The following RARS1 variants were observed in gnomAD, a reference collection of about 807,000 sequenced individuals.
The protein encoded by RARS1 is arginine--tRNA ligase, cytoplasmic.
Under a neutral mutation model 78.7 loss-of-function variants are expected in RARS1, and 75 were observed. The ratio of observed to expected loss-of-function variants is 0.95; its 90% CI spans 0.79 to 1.15. The LOEUF is 1.15. RARS1 is among the 50% of genes most tolerant of loss of function. The probability of loss-of-function intolerance (pLI) is 0.00; values close to 1 mark genes in which losing one functional copy is unlikely to be tolerated. For synonymous variants in RARS1, 273 were observed against 268.2 expected (o/e 1.02, Z -0.18); for missense variants, 787 against 787.5 (o/e 1.00, Z 0.01).
Position 168,506,526 on chromosome 5 carries a change from A to G in RARS1, c.1237-196A>G, listed in dbSNP as rs17633806. On this transcript the variant is annotated intron_variant, in intron 10 of 14. Transcript: ENST00000231572. ...AGTTGCTTTAAAAACGTTTGAACAT[A>G]GTAGAAAATGTAACAGTGTTGCTCT... Among the ~76,000 whole-genome samples the G allele has an allele frequency of 3.9e-3, 589 of 152,338 alleles. 1 individual carries two copies. Among genetic ancestry groups the G allele is most frequent in the Non-Finnish European group, 6.8e-3 (464 of 68,036 alleles).
At chr5:168,509,963 C>G (rs1758534161) in intron 11 of RARS1, among the ~76,000 whole-genome samples, 1 of 151,964 alleles carries the variant, frequency 6.6e-6, no homozygotes, top group African/African-American at 2.4e-5. Context: ...AGAGCAAGAC[C>G]CTGTCTCTAA....
rs1758545181 is a variant in RARS1, at chr5:168,510,655, T to C, written c.1421T>C (p.Met474Thr). 6 of 1,610,458 alleles carry C rather than the reference T, an allele frequency of 3.7e-6. No individual in the cohort carries two copies. The highest frequency in any genetic ancestry group is 5.1e-6 in the Non-Finnish European group (6 of 1,178,886). The change falls in exon 12 of 15, where the codon ATG becomes ACG. Residue 474 changes from methionine (M) to threonine (T), a missense_variant. Met to Thr is a moderately conservative substitution (Grantham distance 81). Transcript: ENST00000231572. The stretch of plus-strand genomic sequence containing the variant: ...CTGGGAGAAGGACTAAAACGATCCA[T>C]GGACAAGTTGAAGGAAAAAGAAAGA... The part of the protein sequence containing the change: ...DLLGEGLKRS[M>T]DKLKEKERDK...
At chr5:168,504,011 T>G (rs1012798545) in intron 9 of RARS1, among the ~76,000 whole-genome samples, 1 of 149,758 alleles carries the variant, frequency 6.7e-6, no homozygotes, top group Non-Finnish European at 1.5e-5. Flanking sequence ...CAGTGAGCTA[T>G]GCTCACACCA....
chr5:168,501,273 T>C (rs1261482899), intron 8 of RARS1, among the ~76,000 whole-genome samples: 1 of 152,212 alleles, frequency 6.6e-6, no homozygotes, highest in African/African-American at 2.4e-5. Flanking sequence ...AAATGTTTTA[T>C]AATTACAGTA....
chr5:168,493,955 A>G lies in RARS1; in HGVS notation c.431A>G (p.His144Arg), dbSNP rs746270835. The G allele has an allele frequency of 6.2e-7, 1 of 1,613,504 alleles. No individual in the cohort carries two copies. Among genetic ancestry groups the G allele is most frequent in the Non-Finnish European group, 8.5e-7 (1 of 1,179,602 alleles). Residue 144 changes from histidine to arginine, a missense_variant, in exon 4 of 15, where the codon CAC (histidine) becomes CGC (arginine). Physicochemically the swap from His to Arg is conservative, Grantham distance 29. Coordinates refer to ENST00000231572, the MANE Select transcript of RARS1 (RefSeq NM_002887.4). The part of the protein sequence containing the change: ...PREIAENITK[H>R]LPDNECIEKV... Reference sequence around the variant, plus strand: ...GAAATTGCTGAAAACATTACCAAACACCTCCCAGACAATGAATGTATTGAA... The same window carrying G: ...GAAATTGCTGAAAACATTACCAAACGCCTCCCAGACAATGAATGTATTGAA...
At chr5:168,509,640 T>C (rs935241112) in intron 11 of RARS1, among the ~76,000 whole-genome samples, 75 of 146,794 alleles carry the variant, frequency 5.1e-4, no homozygotes, top group African/African-American at 1.8e-3. Context: ...ATCCTGAGGT[T>C]TTTTTCTCTT....
chr5:168,492,938 T>C (rs1758116013), intron 3 of RARS1, 91 bp downstream of exon 3: 1 of 1,183,796 alleles, frequency 8.4e-7, no homozygotes, highest in Admixed American at 2.2e-5. Context: ...TTACAAGTTG[T>C]ATCCTTAGTG....
At chr5:168,492,030 A>C (rs1163684815) in intron 2 of RARS1, among the ~76,000 whole-genome samples, 1 of 150,536 alleles carries the variant, frequency 6.6e-6, no homozygotes, top group Non-Finnish European at 1.5e-5. Context: ...AGAGCCATGA[A>C]TTAAGCACTT....
At chr5:168,497,075 A>T in intron 6 of RARS1, 153 bp from the exon 7 acceptor site, 1 of 545,182 alleles carries the variant, frequency 1.8e-6, no homozygotes, top group Non-Finnish European at 2.9e-6. Context: ...TTTGCAGACC[A>T]GTTGAAGAAA....
chr5:168,488,319 C>T (rs969068677), intron 1 of RARS1: 3 of 352,148 alleles, frequency 8.5e-6, no homozygotes, highest in South Asian at 2.5e-5. Flanking sequence ...GTAGAGACAG[C>T]GTTTCGCTAT....
intron 1 of RARS1, among the ~76,000 whole-genome samples, chr5:168,486,851 C>G (rs1180467324): frequency 6.6e-6 from 1 of 152,138 alleles, no homozygotes; most frequent in Non-Finnish European, 1.5e-5. Flanking sequence ...CAATCCACCT[C>G]CTCTTCTGCA....
Position 168,519,197 on chromosome 5 carries a change from A to C in RARS1, c.*7A>C, listed in dbSNP as rs745821499. On this transcript the variant is annotated 3_prime_UTR_variant, in exon 15 of 15. Coordinates refer to ENST00000231572, the MANE Select transcript of RARS1 (RefSeq NM_002887.4). ...ACCTGTCCAAAGGATGTAATCCTTC[A>C]TAGGTTTGAACACTGTGTGTTTTTA... 1 of 1,598,866 alleles carries C rather than the reference A, an allele frequency of 6.3e-7. No homozygotes were observed. Among genetic ancestry groups the C allele is most frequent in the Non-Finnish European group, 8.6e-7 (1 of 1,166,826 alleles).
chr5:168,486,944 C>T (rs1757976762), intron 1 of RARS1, among the ~76,000 whole-genome samples: 1 of 152,138 alleles, frequency 6.6e-6, no homozygotes, highest in Non-Finnish European at 1.5e-5. Flanking sequence ...GCAGCTCAGC[C>T]GCAGTTCTTC....
At chr5:168,504,318 G>A (rs1383127997) in intron 9 of RARS1, among the ~76,000 whole-genome samples, 1 of 151,942 alleles carries the variant, frequency 6.6e-6, no homozygotes, top group Non-Finnish European at 1.5e-5. Context: ...GAGGACAGGA[G>A]ATCGAGACCA....
chr5:168,513,390 G>A (rs1178871847), intron 12 of RARS1, among the ~76,000 whole-genome samples: 1 of 151,526 alleles, frequency 6.6e-6, no homozygotes, highest in African/African-American at 2.4e-5. Context: ...CACAATCTTG[G>A]CTCACTGCAA....
intron 12 of RARS1, among the ~76,000 whole-genome samples, chr5:168,513,211 AATTTTTTGTATTTTT>A (rs1758599939): frequency 6.8e-6 from 1 of 146,336 alleles, no homozygotes; most frequent in African/African-American, 2.5e-5. Context: ...ACGCCCTGCT[AATTTTTTGTATTTTT>A]TTTTTTTTTT....
intron 7 of RARS1, among the ~76,000 whole-genome samples, chr5:168,498,921 G>A (rs1758257490): frequency 6.6e-6 from 1 of 152,092 alleles, no homozygotes; most frequent in Non-Finnish European, 1.5e-5. Flanking sequence ...GCAGTGAGCT[G>A]TGATCACACC....
rs1240472273 is a variant in RARS1 at position 168,506,204 on chromosome 5, G to C, written c.1236+5G>C. On this transcript the variant is annotated splice_donor_5th_base_variant and intron_variant, in intron 10 of 14. Coordinates refer to ENST00000231572, the MANE Select transcript of RARS1 (RefSeq NM_002887.4). ...TATGTTGTGGACAATGGACAAGTGA[G>C]TTTGTAAATTTGTATGTGTTTTACA... The C allele has an allele frequency of 6.5e-7, 1 of 1,548,210 alleles. No homozygotes were observed. Among genetic ancestry groups the C allele is most frequent in the Non-Finnish European group, 8.8e-7 (1 of 1,142,180 alleles).
chr5:168,513,949 GTTTTCTTTCAGCAT>G (rs1175837839), intron 12 of RARS1, among the ~76,000 whole-genome samples: 1 of 152,108 alleles, frequency 6.6e-6, no homozygotes, highest in African/African-American at 2.4e-5. Context: ...TTTGGCAGCT[GTTTTCTTTCAGCAT>G]TTTTAGAGAT....
Sources: allele counts gnomAD v4.1 joint callset (sites outside exome capture counted in the v4.1 genomes callset), GRCh38; gene constraint gnomAD v4.1.1; transcripts MANE v1.5; gene names NCBI Gene and HGNC (gene_info 2026-07-23, HGNC 2026-07-21).